Variants in COQ8B observed in about 807,000 individuals in gnomAD.
COQ8B encodes the protein coenzyme Q8B, also known as atypical kinase COQ8B, mitochondrial.
COQ8B carries 44 observed loss-of-function variants against 62.0 expected under a neutral mutation model. The observed-to-expected ratio is 0.71, with a 90% confidence interval of 0.56 to 0.91. The LOEUF is 0.91. COQ8B is among the 40% of genes least tolerant of loss of function. The pLI is 0.00. For missense variants in COQ8B, 649 were observed against 731.6 expected (o/e 0.89, Z 1.30); for synonymous variants, 252 against 289.9 (o/e 0.87, Z 1.33).
intron 10 of COQ8B, chr19:40,700,804 A>G (rs144653822): frequency 1.4e-3 from 350 of 241,528 alleles, no homozygotes; most frequent in Non-Finnish European, 2.3e-3. Context: ...TTATTAATTC[A>G]TTCATCCCAA....
In COQ8B at chr19:40,694,097, C is replaced by T. The variant is rs868845965; in HGVS notation, c.1210-1060G>A. 1.1e-4 allele frequency among the ~76,000 whole-genome samples: 17 copies of T among 152,250 alleles called. No homozygotes were observed. In the Middle Eastern group the frequency reaches 0.024, roughly 213 times the overall value. On this transcript the variant is annotated intron_variant, in intron 13 of 14. Coordinates refer to ENST00000324464, the MANE Select transcript of COQ8B (RefSeq NM_024876.4). ...GGTCTCAGCTTTGTGCCTCAGTGGC[C>T]GGCAGAGAGGGCCCCAAGGGGCCTG...
chr19:40,703,801 C>G lies in COQ8B; in HGVS notation c.631G>C (p.Glu211Gln). ...GAGGCAGCGGCAAAGGGCACCTCCTCCAAGGAGGCCACCTTGGCCTGCCAG... is the reference window on the plus strand; with the variant it reads ...GAGGCAGCGGCAAAGGGCACCTCCTGCAAGGAGGCCACCTTGGCCTGCCAG... ...RDWQAKVASL[E>Q]EVPFAAASIG... is the part of the protein sequence containing the mutation. The change falls in exon 8 of 15, where the codon GAG becomes CAG. Residue 211 changes from glutamate to glutamine, a missense_variant. Coordinates refer to ENST00000324464, the MANE Select transcript of COQ8B (RefSeq NM_024876.4). 1 of 1,613,928 alleles carries G rather than the reference C, an allele frequency of 6.2e-7. No homozygotes were observed. The highest frequency in any genetic ancestry group is 8.5e-7 in the Non-Finnish European group (1 of 1,179,908).
Position 40,702,620 on chromosome 19 carries a change from C to G in COQ8B, c.873G>C (p.Ala291=). Residue 291 remains alanine, a synonymous_variant, in exon 10 of 15, where the codon GCG becomes GCC. Transcript: ENST00000324464. The stretch of plus-strand genomic sequence containing the variant: ...CTCACCTGAAATTCTGGGCACAAGC[C>G]GCCTCACGACGGTAGTCACACTCCC... ...LAWECDYRRE[A]ACAQNFRQLL... is the part of the protein sequence containing the mutation. 1 of 1,612,824 alleles carries G rather than the reference C, an allele frequency of 6.2e-7. No homozygotes were observed. The highest frequency in any genetic ancestry group is 1.3e-5 in the African/African-American group (1 of 75,014).
chr19:40,703,280 C>T (rs2082075377), intron 9 of COQ8B: 1 of 472,694 alleles, frequency 2.1e-6, no homozygotes, highest in Non-Finnish European at 3.8e-6. Flanking sequence ...TCCCTGCATG[C>T]ACACCCTCTG....
intron 13 of COQ8B, among the ~76,000 whole-genome samples, chr19:40,693,629 G>A (rs532108081): frequency 5.3e-5 from 8 of 152,248 alleles, no homozygotes; most frequent in South Asian, 2.1e-4. Flanking sequence ...CTAGGGTTCC[G>A]TCCCAGCTCT....
intron 12 of COQ8B, among the ~76,000 whole-genome samples, chr19:40,699,194 C>T (rs917849518): frequency 2.6e-5 from 4 of 151,484 alleles, no homozygotes; most frequent in Non-Finnish European, 4.4e-5. Flanking sequence ...GTGGCATGAT[C>T]TTGGTTCGCT....
chr19:40,699,834 G>A (rs2031583468), intron 12 of COQ8B, among the ~76,000 whole-genome samples: 1 of 152,186 alleles, frequency 6.6e-6, no homozygotes, highest in South Asian at 2.1e-4. Context: ...CAGTTAGGCA[G>A]GGGGCTACCC....
At chr19:40,694,425 C>T (rs920634867) in intron 13 of COQ8B, among the ~76,000 whole-genome samples, 9 of 152,230 alleles carry the variant, frequency 5.9e-5, no homozygotes, top group African/African-American at 4.8e-5. Context: ...AGCTGTAGAG[C>T]GCAGCCTCTA....
At chr19:40,695,065 C>T (rs2082003308) in intron 13 of COQ8B, among the ~76,000 whole-genome samples, 1 of 152,188 alleles carries the variant, frequency 6.6e-6, no homozygotes, top group Non-Finnish European at 1.5e-5. Flanking sequence ...TGCCTGTAAT[C>T]CCAGCACTTT....
intron 13 of COQ8B, among the ~76,000 whole-genome samples, chr19:40,695,569 G>A (rs2082008432): frequency 6.6e-6 from 1 of 152,066 alleles, no homozygotes; most frequent in African/African-American, 2.4e-5. Flanking sequence ...TGGACAGCAT[G>A]GGGTCTGGAG....
Position 40,714,612 on chromosome 19 carries a change from G to T in COQ8B, c.21C>A (p.Gly7=). Residue 7 remains glycine (G), a synonymous_variant, in exon 2 of 15, where the codon GGC becomes GGA. Transcript: ENST00000324464. ...GCTGTCCACCGGTCCCCCGAAGTAG[G>T]CCCCCCACCTTCAGCCACATTGCCT... MWLKVG[G]LLRGTGGQLG... is the part of the protein sequence containing the mutation. 6.2e-7 allele frequency: 1 copy of T among 1,609,830 alleles called. No individual in the cohort carries two copies. The highest frequency in any genetic ancestry group is 8.5e-7 in the Non-Finnish European group (1 of 1,178,060).
At chr19:40,705,544 C>T (rs2082094222) in intron 5 of COQ8B, 97 bp from the exon 6 acceptor site, 1 of 1,367,166 alleles carries the variant, frequency 7.3e-7, no homozygotes, top group East Asian at 2.5e-5. Context: ...TTTGGGAGAC[C>T]CAGGCGGGAT....
rs77801349 is a variant in COQ8B, at chr19:40,693,047, C to G, written c.1210-10G>C. On this transcript the variant is annotated splice_polypyrimidine_tract_variant and intron_variant, in intron 13 of 14. Transcript: ENST00000324464. ...CTGCAGCCTTCACCACCTGGGGAGA[C>G]GGGTGGGAGTTAGAGGGACAAAGGC... 2.1e-4 allele frequency: 337 copies of G among 1,612,700 alleles called. No individual in the cohort carries two copies. Among genetic ancestry groups the G allele is most frequent in the Non-Finnish European group, 2.7e-4 (322 of 1,179,228 alleles).
intron 5 of COQ8B, among the ~76,000 whole-genome samples, chr19:40,707,627 G>C (rs984846123): frequency 2.0e-5 from 3 of 151,994 alleles, no homozygotes; most frequent in East Asian, 1.9e-4. Context: ...CTAATTTTTT[G>C]TATTTTTAGT....
rs1272406789 is a variant in COQ8B, at chr19:40,714,104, C to A, written c.252G>T (p.Val84=). The A allele has an allele frequency of 6.2e-7, 1 of 1,614,178 alleles. No homozygotes were observed. The highest frequency in any genetic ancestry group is 1.1e-5 in the South Asian group (1 of 91,084). ...CCAAGCGGCTGATGCGGGAGGCAGG[C>A]ACCTTGCGTTCTCGAGAGCGGTCAC... ...QLSDRSRERK[V]PASRISRLAN... The change falls in exon 4 of 15, where the codon GTG becomes GTT. Residue 84 remains valine, a synonymous_variant. Coordinates refer to ENST00000324464, the MANE Select transcript of COQ8B (RefSeq NM_024876.4).
At chr19:40,708,037 A>G (rs935064959) in intron 5 of COQ8B, 1 of 152,224 alleles carries the variant, frequency 6.6e-6, no homozygotes, top group Admixed American at 6.5e-5. Flanking sequence ...AGCTTTGGCA[A>G]AACATTTATT....
In COQ8B at chr19:40,700,694, C is replaced by T. The variant is rs2082054467; in HGVS notation, c.894-243G>A. ...TCTCAACTGGGTGCTGCTGGAAACCCAGTCACCACTTCCCTACCCGAAACC... is the reference window on the plus strand; with the variant it reads ...TCTCAACTGGGTGCTGCTGGAAACCTAGTCACCACTTCCCTACCCGAAACC... On this transcript the variant is annotated intron_variant, in intron 10 of 14. Transcript: ENST00000324464. 9.8e-6 allele frequency: 5 copies of T among 508,954 alleles called. No individual in the cohort carries two copies. In the East Asian group the frequency reaches 1.5e-4, roughly 16 times the overall value. The allele number at this position is 508,954 out of a possible 1,614,324, so 31.5% of individuals were successfully genotyped here. A position where few individuals can be genotyped will look rare whatever the true frequency, so the allele number is the denominator to read the frequency against.
chr19:40,702,019 A>G (rs1172708154), intron 10 of COQ8B, among the ~76,000 whole-genome samples: 2 of 152,162 alleles, frequency 1.3e-5, no homozygotes, highest in African/African-American at 4.8e-5. Flanking sequence ...CTGCTGGATA[A>G]ACTTGATGGA....
In COQ8B at chr19:40,700,326, TGGCTTAGGCCCTGGCACTGGTCCA is replaced by T; in HGVS notation, c.995_1018del (p.Leu332_Ser339del). 1.2e-6 allele frequency: 2 copies of T among 1,613,896 alleles called. No homozygotes were observed. The highest frequency in any genetic ancestry group is 2.2e-5 in the South Asian group (2 of 91,074). On this transcript the variant is annotated inframe_deletion, in exon 11 of 15. Transcript: ENST00000324464. ...ACAGCATACCTGGTTCCGCAGGTCC[TGGCTTAGGCCCTGGCACTGGTCCA>T]GGGGGACCCCTCCAGCCAGCTCCAT...
Sources: allele counts gnomAD v4.1 joint callset (sites outside exome capture counted in the v4.1 genomes callset), GRCh38; gene constraint gnomAD v4.1.1; transcripts MANE v1.5; gene names NCBI Gene and HGNC (gene_info 2026-07-23, HGNC 2026-07-21).